Variants in TAFA2 observed in about 807,000 individuals in gnomAD.
TAFA2 encodes the protein TAFA chemokine like family member 2, also known as chemokine-like protein TAFA-2.
TAFA2 carries 7 observed loss-of-function variants against 18.8 expected under a neutral mutation model. The ratio of observed to expected loss-of-function variants is 0.37; its 90% CI spans 0.21 to 0.70. The LOEUF is 0.70. TAFA2 is among the 30% of genes least tolerant of loss of function. TAFA2 has a pLI of 0.53. For missense variants in TAFA2, 122 were observed against 158.1 expected (o/e 0.77, Z 1.23); for synonymous variants, 60 against 54.2 (o/e 1.11, Z -0.47).
At chr12:61,978,758 C>T (rs897625412) in intron 1 of TAFA2, among the ~76,000 whole-genome samples, 5 of 152,086 alleles carry the variant, frequency 3.3e-5, no homozygotes, top group Non-Finnish European at 7.4e-5. Flanking sequence ...CAAGAAGCCC[C>T]TCCCAGGCTC....
At chr12:62,064,406 A>C (rs2136792785) in intron 1 of TAFA2, among the ~76,000 whole-genome samples, 1 of 152,196 alleles carries the variant, frequency 6.6e-6, no homozygotes, top group Non-Finnish European at 1.5e-5. Flanking sequence ...AAAAACAAAA[A>C]CACAGTTGTG....
upstream of TAFA2, among the ~76,000 whole-genome samples, chr12:62,197,346 C>G (rs1371448459): frequency 6.6e-6 from 1 of 152,226 alleles, no homozygotes; most frequent in Non-Finnish European, 1.5e-5. Context: ...AAACACTGAA[C>G]TTAACTGGAT....
At chr12:62,243,798 TGA>T (rs1191972107) in intron 1 of TAFA2, among the ~76,000 whole-genome samples, 1 of 152,194 alleles carries the variant, frequency 6.6e-6, no homozygotes, top group Non-Finnish European at 1.5e-5. Context: ...CATTCTTTTT[TGA>T]GACAGGGTCT....
At chr12:62,220,787 G>T (rs11174378) in intron 1 of TAFA2, among the ~76,000 whole-genome samples, 25,004 of 152,006 alleles carry the variant, frequency 0.16, 2,458 homozygotes, top group East Asian at 0.34. Context: ...AGAAAGAAAA[G>T]AACAAAGGAA....
chr12:62,168,108 G>T (rs2136937604), intron 1 of TAFA2, among the ~76,000 whole-genome samples: 1 of 152,190 alleles, frequency 6.6e-6, no homozygotes, highest in East Asian at 1.9e-4. Flanking sequence ...TGTGTGTCTA[G>T]CCTGCCTTTC....
intron 2 of TAFA2, among the ~76,000 whole-genome samples, chr12:61,825,856 T>C (rs775480853): frequency 1.9e-4 from 29 of 152,072 alleles, no homozygotes; most frequent in Non-Finnish European, 3.2e-4. Flanking sequence ...ACATCTCTTT[T>C]CTCTTAGGGA....
chr12:61,919,399 A>T (rs927621490), intron 1 of TAFA2, among the ~76,000 whole-genome samples: 2 of 152,006 alleles, frequency 1.3e-5, no homozygotes, highest in African/African-American at 4.8e-5. Context: ...AACCCTTCCA[A>T]TTCTCTTTCT....
intron 1 of TAFA2, among the ~76,000 whole-genome samples, chr12:61,890,847 C>T (rs1471813716): frequency 6.6e-6 from 1 of 152,152 alleles, no homozygotes; most frequent in East Asian, 1.9e-4. Context: ...TGTTTTTCCA[C>T]CCATGTATCC....
chr12:62,129,682 A>G (rs1290212614), intron 1 of TAFA2, among the ~76,000 whole-genome samples: 1 of 152,046 alleles, frequency 6.6e-6, no homozygotes, highest in African/African-American at 2.4e-5. Context: ...AACTACTGAC[A>G]TTTTGGACCA....
chr12:61,950,957 T>C (rs1003434132), intron 1 of TAFA2, among the ~76,000 whole-genome samples: 2 of 151,966 alleles, frequency 1.3e-5, no homozygotes, highest in African/African-American at 4.8e-5. Context: ...AAAGGTAGAG[T>C]CTTCTTTGGA....
chr12:61,910,708 A>G (rs1200750971), intron 1 of TAFA2, among the ~76,000 whole-genome samples: 1 of 152,222 alleles, frequency 6.6e-6, no homozygotes, highest in African/African-American at 2.4e-5. Flanking sequence ...GTCACACATA[A>G]CTATGAAAGT....
At chr12:62,149,462 T>G (rs1337850898) in intron 1 of TAFA2, among the ~76,000 whole-genome samples, 4 of 151,878 alleles carry the variant, frequency 2.6e-5, no homozygotes, top group Non-Finnish European at 5.9e-5. Context: ...TTTTACATGC[T>G]TTATATATCA....
At position 62,201,675 on chromosome 12, in the gene TAFA2, C is replaced by A. The variant is rs1219858165; in HGVS notation, c.-130+57088G>T. Among the ~76,000 whole-genome samples, 4 of 152,148 alleles carry A rather than the reference C, an allele frequency of 2.6e-5. No homozygotes were observed. The East Asian group carries it at 5.8e-4, about 22-fold the overall frequency. Reference sequence around the variant, plus strand: ...TTTTTGCATTGATGTTCATCAGGGACATTGGCCTGAACTTTGTTGTTGTTG... The same window carrying A: ...TTTTTGCATTGATGTTCATCAGGGAAATTGGCCTGAACTTTGTTGTTGTTG... On this transcript the variant is annotated intron_variant, in intron 1 of 5. Coordinates refer to the TAFA2 transcript ENST00000551619.
chr12:61,988,564 C>T (rs1409945168), intron 1 of TAFA2, among the ~76,000 whole-genome samples: 1 of 152,126 alleles, frequency 6.6e-6, no homozygotes, highest in Non-Finnish European at 1.5e-5. Flanking sequence ...TATTCAGCCA[C>T]TGTTTATTGA....
chr12:62,129,888 T>C (rs1430193509), intron 1 of TAFA2, among the ~76,000 whole-genome samples: 1 of 151,982 alleles, frequency 6.6e-6, no homozygotes, highest in Non-Finnish European at 1.5e-5. Flanking sequence ...CAGGTTATAA[T>C]GTGTGGCAAC....
intron 1 of TAFA2, among the ~76,000 whole-genome samples, chr12:62,202,903 C>T (rs2062677730): frequency 1.4e-5 from 2 of 140,746 alleles, no homozygotes; most frequent in Non-Finnish European, 3.0e-5. Context: ...TCGCAGCTCA[C>T]TGCAACCTCC....
At chr12:61,921,527 TTGGTGTGGTGTGGTGGGGTA>T (rs971691775) in intron 1 of TAFA2, among the ~76,000 whole-genome samples, 7 of 152,074 alleles carry the variant, frequency 4.6e-5, no homozygotes, top group East Asian at 1.9e-4. Context: ...TTTTTGTTGT[TTGGTGTGGTGTGGTGGGGTA>T]TGGTGTGGTG....
At chr12:61,950,746 G>T (rs533202307) in intron 1 of TAFA2, among the ~76,000 whole-genome samples, 1 of 152,086 alleles carries the variant, frequency 6.6e-6, no homozygotes, top group East Asian at 1.9e-4. Flanking sequence ...TACTAGTTTG[G>T]TAGCTCCACG....
At chr12:61,834,329 T>C (rs1393060142) in intron 2 of TAFA2, among the ~76,000 whole-genome samples, 1 of 152,056 alleles carries the variant, frequency 6.6e-6, no homozygotes, top group African/African-American at 2.4e-5. Flanking sequence ...GAAAGATCAA[T>C]AGCATCAGGC....
Sources: gnomAD v4.1 joint callset for allele counts (sites outside exome capture counted in the v4.1 genomes callset) on GRCh38, gnomAD v4.1.1 for gene constraint, MANE v1.5 for transcripts, NCBI Gene and HGNC (gene_info 2026-07-23, HGNC 2026-07-21) for gene names.